Variants in STX1B observed in about 807,000 individuals in gnomAD.
The protein encoded by STX1B is syntaxin 1B, also known as syntaxin-1B.
Under a neutral mutation model 39.4 loss-of-function variants are expected in STX1B, and 7 were observed. That is an observed-to-expected ratio of 0.18 (90% CI 0.10 to 0.33). STX1B has a LOEUF of 0.33. Ranked by LOEUF, STX1B falls within the 10% of genes least tolerant of loss-of-function variation. The probability of loss-of-function intolerance (pLI) is 1.00; values close to 1 mark genes in which losing one functional copy is unlikely to be tolerated. For synonymous variants in STX1B, 136 were observed against 144.1 expected, an observed-to-expected ratio of 0.94 and a Z score of 0.40; for missense variants, 198 against 383.2, an observed-to-expected ratio of 0.52 and a Z score of 4.04.
intron 1 of STX1B, among the ~76,000 whole-genome samples, chr16:31,002,147 C>T (rs1028011818): frequency 3.3e-5 from 5 of 152,234 alleles, no homozygotes; most frequent in Admixed American, 3.3e-4. Context: ...GGCAGCACCC[C>T]GACCTCCCTC....
At chr16:30,995,645 C>T (rs2056587975) in intron 7 of STX1B, among the ~76,000 whole-genome samples, 1 of 152,094 alleles carries the variant, frequency 6.6e-6, no homozygotes, top group South Asian at 2.1e-4. Context: ...CACGTGCCAC[C>T]ATGCCCGGCT....
chr16:30,992,992 G>C (rs968076745), intron 9 of STX1B, 91 bp from the exon 10 acceptor site: 2 of 1,318,922 alleles, frequency 1.5e-6, no homozygotes, highest in Admixed American at 3.5e-5. Context: ...GGGTGGCAGG[G>C]AGAAGAGGGG....
In STX1B at chr16:31,001,055, T is replaced by C. The variant is rs1227712572; in HGVS notation, c.205+39A>G. The C allele has an allele frequency of 6.2e-7, 1 of 1,613,802 alleles. No individual in the cohort carries two copies. Among genetic ancestry groups the C allele is most frequent in the African/African-American group, 1.3e-5 (1 of 74,916 alleles). ...TGTCTGGGTGGGAACCCCAGGCCCC[T>C]TCTCCTCCCACCCCACAGTCACCGG... On this transcript the variant is annotated intron_variant, in intron 3 of 9. Transcript: ENST00000215095. This position sits in a 1 kb window ranked among gnomAD's most constrained non-coding sequence, Gnocchi z 5.5.
chr16:31,000,586 G>A (rs371042451), intron 4 of STX1B, among the ~76,000 whole-genome samples: 3 of 151,426 alleles, frequency 2.0e-5, no homozygotes, highest in African/African-American at 4.9e-5. Flanking sequence ...TCCACCTCCC[G>A]GGTTCAAGCA....
chr16:31,010,476 C>G lies in STX1B; in HGVS notation c.-80G>C, dbSNP rs2056675914. On this transcript the variant is annotated 5_prime_UTR_variant, in exon 1 of 10. Coordinates refer to ENST00000215095, the MANE Select transcript of STX1B (RefSeq NM_052874.5). ...GGTCTCCCGCCTCTGTGCCGGAGGCCGGGGTCTGGGGGCGCCGGGGGGCGC... is the reference window on the plus strand; with the variant it reads ...GGTCTCCCGCCTCTGTGCCGGAGGCGGGGGTCTGGGGGCGCCGGGGGGCGC... 2 of 1,021,082 alleles carry G rather than the reference C, an allele frequency of 2.0e-6. No homozygotes were observed. The highest frequency in any genetic ancestry group is 4.0e-5 in the Admixed American group (1 of 25,020). 63.3% of individuals were successfully genotyped at this position (1,021,082 alleles called of 1,614,324 possible).
At position 30,990,551 on chromosome 16, in the gene STX1B, T is replaced by TACAATGCACACACAC. The variant is rs2143654729; in HGVS notation, c.*2255_*2269dup. On this transcript the variant is annotated 3_prime_UTR_variant, in exon 10 of 10. Transcript: ENST00000215095. ...AATGCACACACAATGTACACACACATACAATGCACACACACGTACGCTTCA... is the reference window on the plus strand; with the variant it reads ...AATGCACACACAATGTACACACACATACAATGCACACACACACAATGCACACACACGTACGCTTCA... The TACAATGCACACACAC allele has an allele frequency of 6.6e-6, 1 of 151,988 alleles. No homozygotes were observed. The highest frequency in any genetic ancestry group is 2.4e-5 in the African/African-American group (1 of 41,470). The allele number at this position is 151,988 out of a possible 1,614,324, so 9.4% of individuals were successfully genotyped here. A position where few individuals can be genotyped will look rare whatever the true frequency, so the allele number is the denominator to read the frequency against.
chr16:31,001,959 C>T lies in STX1B; in HGVS notation c.31-356G>A, dbSNP rs2056632395. On this transcript the variant is annotated intron_variant, in intron 1 of 9. Coordinates refer to ENST00000215095, the MANE Select transcript of STX1B (RefSeq NM_052874.5). This position sits in a 1 kb window ranked among gnomAD's most constrained non-coding sequence, Gnocchi z 5.5. ...CCTGGGCTCCATGAAGGGTCCTGGA[C>T]TAGAGTCCCGGGAGCCTGGATCTCC... 6.6e-6 allele frequency among the ~76,000 whole-genome samples: 1 copy of T among 152,146 alleles called. No individual in the cohort carries two copies. The highest frequency in any genetic ancestry group is 1.5e-5 in the Non-Finnish European group (1 of 68,012).
Position 30,997,074 on chromosome 16 carries a change from G to A in STX1B, c.355-15C>T, listed in dbSNP as rs201313891. 3.2e-6 allele frequency: 5 copies of A among 1,576,642 alleles called. No homozygotes were observed. The highest frequency in any genetic ancestry group is 1.3e-5 in the African/African-American group (1 of 74,274). On this transcript the variant is annotated splice_polypyrimidine_tract_variant and intron_variant, in intron 5 of 9. Transcript: ENST00000215095. ...AGTGTGGAGTGCTACGGTGGGGGTG[G>A]GGGGACAGACGGATCAGGGAGGTAG...
intron 4 of STX1B, among the ~76,000 whole-genome samples, chr16:30,998,120 T>C (rs2056605246): frequency 6.6e-6 from 1 of 152,228 alleles, no homozygotes. Flanking sequence ...CTCCCTGCCC[T>C]GTAAGGTGAT....
In STX1B at chr16:30,992,694, G is replaced by GGGGTGGAGGAA. The variant is rs1555493830; in HGVS notation, c.*126_*127insTTCCTCCACCC. On this transcript the variant is annotated 3_prime_UTR_variant, in exon 10 of 10. Coordinates refer to ENST00000215095, the MANE Select transcript of STX1B (RefSeq NM_052874.5). Reference sequence around the variant, plus strand: ...TCCAGGGACACCAGGGTCTGCCGTGGGGGTGGGGCTGCCTGGGTCTGTTTT... The same window carrying GGGGTGGAGGAA: ...TCCAGGGACACCAGGGTCTGCCGTGGGGGTGGAGGAAGGGTGGGGCTGCCTGGGTCTGTTTT... The GGGGTGGAGGAA allele has an allele frequency of 8.1e-6, 4 of 491,648 alleles. No individual in the cohort carries two copies. Among genetic ancestry groups the GGGGTGGAGGAA allele is most frequent in the Non-Finnish European group, 1.4e-5 (4 of 291,132 alleles). 30.5% of individuals were successfully genotyped at this position (491,648 alleles called of 1,614,324 possible).
chr16:30,997,998 T>C (rs2056604682), intron 4 of STX1B, among the ~76,000 whole-genome samples: 1 of 152,198 alleles, frequency 6.6e-6, no homozygotes, highest in Admixed American at 6.5e-5. Context: ...ACAGCCTGCC[T>C]TTTTTCTGAT....
At chr16:30,994,968 G>GTGGTGCTA (rs149905255) in intron 7 of STX1B, among the ~76,000 whole-genome samples, 54,457 of 145,544 alleles carry the variant, frequency 0.37, 10,643 homozygotes, top group South Asian at 0.7. Context: ...CTGGAGTGCA[G>GTGGTGCTA]TGGTGCTATC....
chr16:31,010,236 TG>T, intron 1 of STX1B, 130 bp downstream of exon 1: 1 of 612,820 alleles, frequency 1.6e-6, no homozygotes, highest in Non-Finnish European at 2.5e-6. Flanking sequence ...CTGAAGATAC[TG>T]GGGTGCTCCG....
At chr16:31,005,360 T>C (rs926890009) in intron 1 of STX1B, among the ~76,000 whole-genome samples, 1 of 152,184 alleles carries the variant, frequency 6.6e-6, no homozygotes. Context: ...AGGTGAACGA[T>C]TCAAGCCTCA....
chr16:30,995,630 A>G (rs1358413681), intron 7 of STX1B, among the ~76,000 whole-genome samples: 1 of 151,910 alleles, frequency 6.6e-6, no homozygotes, highest in African/African-American at 2.4e-5. Context: ...AGCTGGGATT[A>G]CAGGCACGTG....
intron 1 of STX1B, among the ~76,000 whole-genome samples, chr16:31,005,766 C>T (rs2056652050): frequency 6.6e-6 from 1 of 152,174 alleles, no homozygotes; most frequent in African/African-American, 2.4e-5. Flanking sequence ...CTACAGCGCA[C>T]AGCTCCTTGA....
intron 1 of STX1B, among the ~76,000 whole-genome samples, chr16:31,009,771 T>G (rs2056671774): frequency 6.6e-6 from 1 of 151,776 alleles, no homozygotes; most frequent in South Asian, 2.1e-4. Context: ...CTCCCACCTC[T>G]GGGTCACCCT....
chr16:30,999,525 C>T (rs2056612726), intron 4 of STX1B, among the ~76,000 whole-genome samples: 1 of 152,216 alleles, frequency 6.6e-6, no homozygotes, highest in African/African-American at 2.4e-5. Context: ...TCCCAACCCA[C>T]GGTGCTTTGG....
At position 30,997,382 on chromosome 16, in the gene STX1B, C is replaced by G. The variant is rs556149437; in HGVS notation, c.354+120G>C. The G allele has an allele frequency of 4.5e-6, 4 of 887,826 alleles. No homozygotes were observed. The South Asian group carries it at 5.8e-5, about 13-fold the overall frequency. The allele number at this position is 887,826 out of a possible 1,614,324, so 55.0% of individuals were successfully genotyped here. On this transcript the variant is annotated intron_variant, in intron 5 of 9. Coordinates refer to ENST00000215095, the MANE Select transcript of STX1B (RefSeq NM_052874.5). ...CCGCTCTAGCCTCGCCCCCAGAGCC[C>G]CGCCCCAGCCCTCCCTGACCACGCC...
Sources: gnomAD v4.1 joint callset for allele counts (sites outside exome capture counted in the v4.1 genomes callset) on GRCh38, gnomAD v4.1.1 for gene constraint, Gnocchi (gnomAD v3.1) non-coding constraint, MANE v1.5 for transcripts, NCBI Gene and HGNC (gene_info 2026-07-23, HGNC 2026-07-21) for gene names.